Variants in SNRPN observed in about 807,000 individuals in gnomAD.
SNRPN encodes the protein small nuclear ribonucleoprotein polypeptide N.
A neutral mutation model predicts 25.2 loss-of-function variants in SNRPN; 7 were observed. That is an observed-to-expected ratio of 0.28 (90% CI 0.16 to 0.52). The LOEUF (loss-of-function observed/expected upper bound fraction) is 0.52. Among genes scored for constraint, SNRPN ranks in the 20% least tolerant of loss-of-function variants. SNRPN has a pLI of 0.96. For synonymous variants in SNRPN, 124 were observed against 110.6 expected (o/e 1.12, Z -0.76); for missense variants, 196 against 322.5 (o/e 0.61, Z 3.00).
chr15:24,868,765 A>C (rs1225746569), intron 1 of SNRPN, among the ~76,000 whole-genome samples: 2 of 152,228 alleles, frequency 1.3e-5, no homozygotes, highest in East Asian at 3.9e-4. Flanking sequence ...GGGTCTCATT[A>C]TTACAATAGA....
At chr15:24,935,623 C>A (rs546993102) in intron 3 of SNRPN, among the ~76,000 whole-genome samples, 1 of 152,258 alleles carries the variant, frequency 6.6e-6, no homozygotes, top group South Asian at 2.1e-4. Flanking sequence ...GACTGGAGGT[C>A]ATTTGCTTTA....
chr15:24,866,060 A>G (rs1252248742), intron 1 of SNRPN, among the ~76,000 whole-genome samples: 1 of 152,126 alleles, frequency 6.6e-6, no homozygotes, highest in African/African-American at 2.4e-5. Flanking sequence ...ACATGTTAGA[A>G]TTATTATATC....
intron 3 of SNRPN, among the ~76,000 whole-genome samples, chr15:24,930,753 G>T (rs1346660109): frequency 6.6e-6 from 1 of 152,052 alleles, no homozygotes; most frequent in Non-Finnish European, 1.5e-5. Context: ...TAAAAAATTA[G>T]CAGGGCATGG....
At chr15:24,847,003 A>C (rs2144758343) in intron 2 of SNRPN, among the ~76,000 whole-genome samples, 1 of 152,292 alleles carries the variant, frequency 6.6e-6, no homozygotes, top group African/African-American at 2.4e-5. Flanking sequence ...CTCTGGGAAA[A>C]GTGTTCACAA....
chr15:24,946,616 C>T (rs1439178031), intron 3 of SNRPN, among the ~76,000 whole-genome samples: 3 of 152,160 alleles, frequency 2.0e-5, no homozygotes, highest in Admixed American at 1.3e-4. Flanking sequence ...GCTACAGGCA[C>T]GTGCTACCAT....
At chr15:24,831,138 G>A (rs1409929014) in intron 2 of SNRPN, among the ~76,000 whole-genome samples, 1 of 151,798 alleles carries the variant, frequency 6.6e-6, no homozygotes, top group East Asian at 1.9e-4. Flanking sequence ...TATATATTAA[G>A]GATCATTATA....
At chr15:24,863,780 T>C (rs1451449924) in intron 1 of SNRPN, among the ~76,000 whole-genome samples, 1 of 150,632 alleles carries the variant, frequency 6.6e-6, no homozygotes, top group Non-Finnish European at 1.5e-5. Context: ...GGGTGTTCTG[T>C]TTTCCTAGTT....
chr15:24,974,032 G>T (rs531152903), intron 3 of SNRPN, among the ~76,000 whole-genome samples: 1 of 152,272 alleles, frequency 6.6e-6, no homozygotes, highest in South Asian at 2.1e-4. Context: ...AGGATGGAAA[G>T]AAAAATACTA....
chr15:24,889,507 G>A (rs1010011222), intron 2 of SNRPN, among the ~76,000 whole-genome samples: 8 of 150,634 alleles, frequency 5.3e-5, no homozygotes, highest in Non-Finnish European at 8.9e-5. Context: ...GGGTTTCACC[G>A]TGTTAGCCAG....
chr15:24,864,793 C>G (rs1336747296), intron 1 of SNRPN, among the ~76,000 whole-genome samples: 1 of 152,068 alleles, frequency 6.6e-6, no homozygotes, highest in African/African-American at 2.4e-5. Flanking sequence ...TTTCTTGCAT[C>G]ATGTGTTATT....
intron 2 of SNRPN, among the ~76,000 whole-genome samples, chr15:24,834,336 C>T (rs902073010): frequency 1.3e-5 from 2 of 152,058 alleles, no homozygotes; most frequent in African/African-American, 4.8e-5. Context: ...ATTAGAGAGA[C>T]CTTCATTCTG....
chr15:24,952,364 T>C (rs2062347989), upstream of SNRPN, among the ~76,000 whole-genome samples: 1 of 152,192 alleles, frequency 6.6e-6, no homozygotes, highest in African/African-American at 2.4e-5. Context: ...TGGGGATAAA[T>C]GTAGACTTTG....
intron 2 of SNRPN, among the ~76,000 whole-genome samples, chr15:24,889,207 C>T (rs540208565): frequency 6.2e-4 from 95 of 152,064 alleles, no homozygotes; most frequent in African/African-American, 2.2e-3. Context: ...CGTGAGCCAC[C>T]GTGCCCAGCT....
chr15:24,894,951 A>G (rs2057977893), intron 2 of SNRPN, among the ~76,000 whole-genome samples: 1 of 152,216 alleles, frequency 6.6e-6, no homozygotes, highest in African/African-American at 2.4e-5. Flanking sequence ...TGTATGTTTT[A>G]TGTAACATGA....
Position 24,965,302 on chromosome 15 carries a change from C to T in SNRPN, c.-294-2630C>T, listed in dbSNP as rs187999508. Among the ~76,000 whole-genome samples the T allele has an allele frequency of 1.2e-4, 19 of 152,198 alleles. No individual in the cohort carries two copies. In the East Asian group the frequency reaches 2.7e-3, roughly 22 times the overall value. On this transcript the variant is annotated intron_variant, in intron 2 of 9. Transcript: ENST00000390687. Reference sequence around the variant, plus strand: ...CCTGTAATCCCAGCACTTTGGGAGGCGAAGGTGGGCAGATCACCTGAGGTC... The same window carrying T: ...CCTGTAATCCCAGCACTTTGGGAGGTGAAGGTGGGCAGATCACCTGAGGTC...
intron 3 of SNRPN, among the ~76,000 whole-genome samples, chr15:24,948,266 A>G (rs1000249680): frequency 1.3e-5 from 2 of 151,966 alleles, no homozygotes; most frequent in African/African-American, 4.8e-5. Flanking sequence ...GATGCATGCC[A>G]CCATGCCCAG....
intron 1 of SNRPN, among the ~76,000 whole-genome samples, chr15:24,825,765 T>C (rs748450841): frequency 3.9e-5 from 6 of 152,108 alleles, no homozygotes; most frequent in Non-Finnish European, 7.3e-5. Flanking sequence ...ATGTAACTTA[T>C]TGAATACTGC....
intron 1 of SNRPN, among the ~76,000 whole-genome samples, chr15:24,878,512 C>T (rs943785411): frequency 6.6e-6 from 1 of 152,328 alleles, no homozygotes; most frequent in East Asian, 1.9e-4. Context: ...GCTTATGGCG[C>T]CCGCCGGGAG....
intron 2 of SNRPN, chr15:24,966,977 G>A (rs959186590): frequency 1.6e-4 from 24 of 151,996 alleles, no homozygotes; most frequent in African/African-American, 5.3e-4. Context: ...GTAGATGATT[G>A]GTTTACATAT....
Sources: allele counts gnomAD v4.1 joint callset (sites outside exome capture counted in the v4.1 genomes callset), GRCh38; gene constraint gnomAD v4.1.1; transcripts MANE v1.5; gene names NCBI Gene and HGNC (gene_info 2026-07-23, HGNC 2026-07-21).